Variants in CMIP observed in about 807,000 individuals in gnomAD.
CMIP encodes the protein c-Maf inducing protein.
CMIP carries 13 observed loss-of-function variants against 97.3 expected under a neutral mutation model. The ratio of observed to expected loss-of-function variants is 0.13; its 90% CI spans 0.09 to 0.21. CMIP has a LOEUF of 0.21. CMIP is among the 10% of genes least tolerant of loss of function. The pLI is 1.00. For missense variants in CMIP, 847 were observed against 1,024.9 expected, an observed-to-expected ratio of 0.83 and a Z score of 2.37; for synonymous variants, 538 against 436.3, an observed-to-expected ratio of 1.23 and a Z score of -2.91.
intron 1 of CMIP, among the ~76,000 whole-genome samples, chr16:81,577,382 C>T (rs539239341): frequency 1.5e-5 from 2 of 130,806 alleles, no homozygotes; most frequent in East Asian, 4.1e-4. Context: ...TCACCTTCAT[C>T]ACCACCATCA....
chr16:81,665,830 A>G (rs898291663), intron 7 of CMIP: 19 of 152,194 alleles, frequency 1.2e-4, no homozygotes, highest in African/African-American at 3.9e-4. Flanking sequence ...CTCTTTCTGT[A>G]GAGCCAGAGA....
rs148266454 is a variant in CMIP at position 81,702,918 on chromosome 16, A to C, written c.1944+249A>C. Among the ~76,000 whole-genome samples the C allele has an allele frequency of 1.5e-3, 233 of 152,306 alleles. 1 individual carries two copies. The highest frequency in any genetic ancestry group is 5.3e-3 in the African/African-American group (220 of 41,562). ...ATAATAGTGTTGATATCTAGTTATT[A>C]ATAGTACTTGGAATAATAGCAGATA... is the stretch of plus-strand genomic sequence containing the variant. On this transcript the variant is annotated intron_variant, in intron 17 of 20. Coordinates refer to ENST00000537098, the MANE Select transcript of CMIP (RefSeq NM_198390.3).
chr16:81,685,082 G>A (rs530180322), intron 10 of CMIP, among the ~76,000 whole-genome samples: 25 of 152,326 alleles, frequency 1.6e-4, no homozygotes, highest in African/African-American at 5.8e-4. Flanking sequence ...CCAGTCTGGG[G>A]ACACCCAGCC....
At chr16:81,694,399 C>G (rs1906463907) in intron 13 of CMIP, among the ~76,000 whole-genome samples, 1 of 152,166 alleles carries the variant, frequency 6.6e-6, no homozygotes, top group Non-Finnish European at 1.5e-5. Context: ...CCCCAGGAGG[C>G]TTCCTGGAGA....
At chr16:81,532,801 C>A (rs1469479235) in intron 1 of CMIP, among the ~76,000 whole-genome samples, 1 of 152,176 alleles carries the variant, frequency 6.6e-6, no homozygotes, top group African/African-American at 2.4e-5. Flanking sequence ...GCTGATCTCT[C>A]AATGATTAAC....
chr16:81,483,593 T>TCTCCCTCTC (rs2089266264), intron 1 of CMIP, among the ~76,000 whole-genome samples: 2 of 141,270 alleles, frequency 1.4e-5, no homozygotes, highest in African/African-American at 5.5e-5. Context: ...CTCTTCCTCT[T>TCTCCCTCTC]CCTCTTCCTC....
intron 7 of CMIP, chr16:81,664,750 T>C (rs1038184946): frequency 7.8e-6 from 3 of 383,500 alleles, no homozygotes; most frequent in Non-Finnish European, 1.4e-5. Context: ...GGAGTAGCCT[T>C]GCAGTGGAGA....
chr16:81,598,638 C>G (rs1345897688), intron 1 of CMIP, among the ~76,000 whole-genome samples: 3 of 152,192 alleles, frequency 2.0e-5, no homozygotes, highest in African/African-American at 7.2e-5. Flanking sequence ...TTCTAACAGA[C>G]TGCATGCCCT....
At chr16:81,666,329 C>T (rs1054787201) in intron 7 of CMIP, 4 of 152,160 alleles carry the variant, frequency 2.6e-5, no homozygotes, top group Admixed American at 1.3e-4. Context: ...AGAGGAATGC[C>T]TCTTCAGGCA....
chr16:81,584,938 G>A (rs1268222962), intron 1 of CMIP, among the ~76,000 whole-genome samples: 1 of 152,152 alleles, frequency 6.6e-6, no homozygotes, highest in Non-Finnish European at 1.5e-5. Flanking sequence ...GCTTTGAAAT[G>A]GCCATTTTAA....
chr16:81,706,896 G>GC, intron 19 of CMIP, 118 bp from the exon 20 acceptor site: 1 of 808,876 alleles, frequency 1.2e-6, no homozygotes, highest in South Asian at 1.6e-5. Flanking sequence ...TCCCTCCCCA[G>GC]CCCCATCTCC....
chr16:81,543,449 A>C (rs184532709), intron 1 of CMIP, among the ~76,000 whole-genome samples: 1 of 152,174 alleles, frequency 6.6e-6, no homozygotes, highest in Non-Finnish European at 1.5e-5. Flanking sequence ...AGGGCCGCCC[A>C]GGGCTCCCTG....
In CMIP at chr16:81,671,963, C is replaced by T. The variant is rs751583037; in HGVS notation, c.930-3C>T. 16 of 1,557,842 alleles carry T rather than the reference C, an allele frequency of 1.0e-5. No homozygotes were observed. Among genetic ancestry groups the T allele is most frequent in the Non-Finnish European group, 1.3e-5 (15 of 1,143,276 alleles). On this transcript the variant is annotated splice_region_variant and splice_polypyrimidine_tract_variant and intron_variant, in intron 8 of 20. Coordinates refer to ENST00000537098, the MANE Select transcript of CMIP (RefSeq NM_198390.3). ...CTCACCCCAGCCCTCTGCTTTTTTC[C>T]AGCATGCACGGCCCCACAGGGCACT...
chr16:81,601,219 G>C (rs1276032661), intron 1 of CMIP, among the ~76,000 whole-genome samples: 1 of 152,198 alleles, frequency 6.6e-6, no homozygotes, highest in Non-Finnish European at 1.5e-5. Flanking sequence ...GCTTCTTTTG[G>C]GGTCCGGGAG....
intron 1 of CMIP, among the ~76,000 whole-genome samples, chr16:81,562,795 T>C (rs990897013): frequency 1.3e-5 from 2 of 152,226 alleles, no homozygotes; most frequent in African/African-American, 4.8e-5. Context: ...TTTTTCATTT[T>C]TCAAATGTGG....
chr16:81,704,864 T>G (rs67199619), intron 18 of CMIP, among the ~76,000 whole-genome samples: 55,208 of 150,104 alleles, frequency 0.37, 10,572 homozygotes, highest in Non-Finnish European at 0.42. Context: ...CCATTTCCCA[T>G]TTGGAAATAA....
chr16:81,699,631 G>A lies in CMIP; in HGVS notation c.1639-54G>A, dbSNP rs999646160. 6.7e-6 allele frequency: 8 copies of A among 1,198,892 alleles called. No individual in the cohort carries two copies. In the East Asian group the frequency reaches 7.3e-5, roughly 11 times the overall value. 74.3% of individuals were successfully genotyped at this position (1,198,892 alleles called of 1,614,324 possible). ...TGGGCTCACTTCCTGCCAGCACGCT[G>A]GAGGCTGGCACTGGGTGTCTCTGTC... On this transcript the variant is annotated intron_variant, in intron 14 of 20. Coordinates refer to ENST00000537098, the MANE Select transcript of CMIP (RefSeq NM_198390.3).
At chr16:81,643,865 A>G (rs1160481897) in intron 3 of CMIP, among the ~76,000 whole-genome samples, 2 of 152,166 alleles carry the variant, frequency 1.3e-5, no homozygotes, top group Non-Finnish European at 2.9e-5. Context: ...AAGTAAATCT[A>G]TATGTATGTG....
At chr16:81,524,556 A>G (rs973033097) in intron 1 of CMIP, among the ~76,000 whole-genome samples, 1 of 152,232 alleles carries the variant, frequency 6.6e-6, no homozygotes, top group African/African-American at 2.4e-5. Context: ...GCACGTCATC[A>G]TTGCCCAAGG....
Sources: gnomAD v4.1 joint callset for allele counts (sites outside exome capture counted in the v4.1 genomes callset) on GRCh38, gnomAD v4.1.1 for gene constraint, MANE v1.5 for transcripts, NCBI Gene and HGNC (gene_info 2026-07-23, HGNC 2026-07-21) for gene names.